The following CGGBP1 variants were observed in gnomAD, a reference collection of about 807,000 sequenced individuals.
The protein encoded by CGGBP1 is CGG triplet repeat-binding protein 1.
In CGGBP1, 4 loss-of-function variants were observed where a neutral mutation model predicts 11.4. The observed-to-expected ratio is 0.35, with a 90% CI of 0.17 to 0.80. CGGBP1 has a LOEUF of 0.80. CGGBP1 is among the 30% of genes least tolerant of loss of function. CGGBP1 has a pLI of 0.52. For synonymous variants in CGGBP1, 76 were observed against 74.1 expected (o/e 1.03, Z -0.13); for missense variants, 135 against 202.1 (o/e 0.67, Z 2.01).
At chr3:88,071,872 A>C (rs1707535022) in intron 2 of CGGBP1, among the ~76,000 whole-genome samples, 1 of 152,226 alleles carries the variant, frequency 6.6e-6, no homozygotes, top group Admixed American at 6.5e-5. Flanking sequence ...TGTACTTTTA[A>C]GACTTTTTAT....
intron 2 of CGGBP1, chr3:88,138,572 A>G (rs1247778269): frequency 4.2e-6 from 2 of 472,230 alleles, no homozygotes; most frequent in Non-Finnish European, 6.8e-6. Context: ...AGGCTACTAA[A>G]TATGGAAAAT....
chr3:88,129,813 A>G, intron 2 of CGGBP1: 2 of 1,493,960 alleles, frequency 1.3e-6, no homozygotes, highest in Non-Finnish European at 1.8e-6. Flanking sequence ...GAATGGGGAT[A>G]TGTACTGTAT....
At chr3:88,131,232 G>A (rs890735255) in intron 2 of CGGBP1, among the ~76,000 whole-genome samples, 1 of 152,144 alleles carries the variant, frequency 6.6e-6, no homozygotes, top group African/African-American at 2.4e-5. Context: ...TATAGAAAAA[G>A]TACAGTAAAA....
intron 2 of CGGBP1, among the ~76,000 whole-genome samples, chr3:88,100,825 G>T (rs867783888): frequency 3.9e-5 from 6 of 152,256 alleles, no homozygotes; most frequent in South Asian, 2.1e-4. Flanking sequence ...TGGGGAAAGC[G>T]GGGAGGGATA....
chr3:88,070,082 T>C (rs1365238529), intron 2 of CGGBP1, among the ~76,000 whole-genome samples: 1 of 152,214 alleles, frequency 6.6e-6, no homozygotes, highest in African/African-American at 2.4e-5. Flanking sequence ...AAGATCTCTT[T>C]TTCAGCTGAT....
At chr3:88,068,642 G>A (rs1226755866) in intron 2 of CGGBP1, among the ~76,000 whole-genome samples, 2 of 152,106 alleles carry the variant, frequency 1.3e-5, no homozygotes, top group African/African-American at 4.8e-5. Flanking sequence ...CTTTATATAT[G>A]TATATGCTGT....
chr3:88,101,997 T>A (rs1704453628), intron 2 of CGGBP1, among the ~76,000 whole-genome samples: 1 of 151,678 alleles, frequency 6.6e-6, no homozygotes, highest in Non-Finnish European at 1.5e-5. Context: ...TTAAATTGTA[T>A]TATTTGTCAT....
At chr3:88,077,400 C>A (rs1707868278) in intron 2 of CGGBP1, among the ~76,000 whole-genome samples, 1 of 148,026 alleles carries the variant, frequency 6.8e-6, no homozygotes, top group African/African-American at 2.5e-5. Context: ...GTGGCGCGAT[C>A]TCGGCTCACT....
chr3:88,113,794 A>C (rs1236622550), intron 2 of CGGBP1, among the ~76,000 whole-genome samples: 1 of 133,162 alleles, frequency 7.5e-6, no homozygotes, highest in Non-Finnish European at 1.6e-5. Flanking sequence ...CTGATCACCC[A>C]TTTAGAACTG....
intron 2 of CGGBP1, among the ~76,000 whole-genome samples, chr3:88,109,776 A>G (rs766637668): frequency 6.6e-6 from 1 of 152,176 alleles, no homozygotes; most frequent in Non-Finnish European, 1.5e-5. Context: ...ATTTTTTTAT[A>G]AATGTATAAA....
chr3:88,079,783 A>G (rs137942864), intron 2 of CGGBP1, among the ~76,000 whole-genome samples: 284 of 152,230 alleles, frequency 1.9e-3, no homozygotes, highest in Middle Eastern at 6.8e-3. Context: ...AACCTATCAA[A>G]TACATTAATG....
chr3:88,081,028 A>G (rs1020033641), intron 2 of CGGBP1, among the ~76,000 whole-genome samples: 19 of 152,156 alleles, frequency 1.2e-4, no homozygotes, highest in Admixed American at 9.2e-4. Flanking sequence ...CCAGCCTGTA[A>G]CAGTTCCTCA....
chr3:88,127,249 G>A (rs577844342), intron 2 of CGGBP1, among the ~76,000 whole-genome samples: 23 of 152,268 alleles, frequency 1.5e-4, no homozygotes, highest in Admixed American at 6.5e-4. Context: ...ATTTTGTTGA[G>A]CAGGTTATTT....
intron 2 of CGGBP1, among the ~76,000 whole-genome samples, chr3:88,092,088 T>C (rs558641986): frequency 1.3e-5 from 2 of 152,336 alleles, no homozygotes; most frequent in East Asian, 3.9e-4. Context: ...GGAAAACTTT[T>C]TGCATTATTT....
At chr3:88,063,218 T>C (rs1476074196), upstream of CGGBP1, among the ~76,000 whole-genome samples, 1 of 152,154 alleles carries the variant, frequency 6.6e-6, no homozygotes, top group East Asian at 1.9e-4. Context: ...CAACAAAGAA[T>C]TATCTGGTCC....
chr3:88,111,085 T>C (rs1350371015), intron 2 of CGGBP1, among the ~76,000 whole-genome samples: 1 of 151,982 alleles, frequency 6.6e-6, no homozygotes, highest in African/African-American at 2.4e-5. Flanking sequence ...AACTGCTGTG[T>C]TGAACATGGA....
At chr3:88,091,789 C>T (rs1360411015) in intron 2 of CGGBP1, among the ~76,000 whole-genome samples, 2 of 152,160 alleles carry the variant, frequency 1.3e-5, no homozygotes, top group Non-Finnish European at 2.9e-5. Context: ...TCTTGCCTGC[C>T]GCCATGTAAG....
In CGGBP1 at chr3:88,070,778, A is replaced by G. The variant is rs1443856619; in HGVS notation, c.-228-12555T>C. 2.0e-5 allele frequency among the ~76,000 whole-genome samples: 3 copies of G among 152,174 alleles called. No individual in the cohort carries two copies. In the East Asian group the frequency reaches 5.8e-4, roughly 29 times the overall value. ...TTATCCTTTGCAAAAACTCTGTGAA[A>G]TAAGTACTGTTTTTATCGTCATTTT... On this transcript the variant is annotated intron_variant, in intron 2 of 3. Coordinates refer to the CGGBP1 transcript ENST00000462901.
intron 2 of CGGBP1, among the ~76,000 whole-genome samples, chr3:88,124,023 C>T (rs545166967): frequency 1.3e-5 from 2 of 152,224 alleles, no homozygotes; most frequent in East Asian, 1.9e-4. Flanking sequence ...TTTATATTTA[C>T]CCCATATTTA....
Sources: allele counts gnomAD v4.1 joint callset (sites outside exome capture counted in the v4.1 genomes callset), GRCh38; gene constraint gnomAD v4.1.1; transcripts MANE v1.5; gene names NCBI Gene and HGNC (gene_info 2026-07-23, HGNC 2026-07-21).